The following CPSF2 variants were observed in gnomAD, a reference collection of about 807,000 sequenced individuals.
CPSF2 encodes the protein cleavage and polyadenylation specificity factor subunit 2.
CPSF2 carries 51 observed loss-of-function variants against 84.2 expected under a neutral mutation model. That is an observed-to-expected ratio of 0.61 (90% confidence interval 0.48 to 0.77). The LOEUF (loss-of-function observed/expected upper bound fraction) is 0.77. CPSF2 is among the 30% of genes least tolerant of loss of function. The probability of loss-of-function intolerance (pLI) is 0.00; values close to 1 mark genes in which losing one functional copy is unlikely to be tolerated. For missense variants in CPSF2, 641 were observed against 929.4 expected (o/e 0.69, Z 4.03); for synonymous variants, 286 against 311.9 (o/e 0.92, Z 0.87).
rs2069424407 is a variant in CPSF2, at chr14:92,164,974, C to G, written c.*3230C>G. 1 of 152,220 alleles carries G rather than the reference C, an allele frequency of 6.6e-6. No individual in the cohort carries two copies. The highest frequency in any genetic ancestry group is 1.5e-5 in the Non-Finnish European group (1 of 68,036). The allele number at this position is 152,220 out of a possible 1,614,324, so 9.4% of individuals were successfully genotyped here. ...CCCCTGGCAGCCATTAATCTACTTT[C>G]TGTCTCCTTGAATTTGGATTTTCTG... On this transcript the variant is annotated 3_prime_UTR_variant, in exon 16 of 16. Transcript: ENST00000298875.
At chr14:92,151,091 A>G (rs1392733411) in intron 9 of CPSF2, among the ~76,000 whole-genome samples, 1 of 152,184 alleles carries the variant, frequency 6.6e-6, no homozygotes, top group African/African-American at 2.4e-5. Context: ...TAAAAGATCC[A>G]TTCAAAATTT....
rs1286353543 is a variant in CPSF2 at position 92,168,986 on chromosome 14, A to C, written c.*7242A>C. 2 of 152,236 alleles carry C rather than the reference A, an allele frequency of 1.3e-5. No homozygotes were observed. Among genetic ancestry groups the C allele is most frequent in the Non-Finnish European group, 2.9e-5 (2 of 68,034 alleles). The allele number at this position is 152,236 out of a possible 1,614,324, so 9.4% of individuals were successfully genotyped here. A position where few individuals can be genotyped will look rare whatever the true frequency, so the allele number is the denominator to read the frequency against. On this transcript the variant is annotated 3_prime_UTR_variant, in exon 16 of 16. Coordinates refer to ENST00000298875, the MANE Select transcript of CPSF2 (RefSeq NM_017437.3). ...AATGATAATTTCAAGTGGAGAATATATAAAGGACTCGTGAGGCCTTCCTAC... is the reference window on the plus strand; with the variant it reads ...AATGATAATTTCAAGTGGAGAATATCTAAAGGACTCGTGAGGCCTTCCTAC...
At position 92,155,175 on chromosome 14, in the gene CPSF2, C is replaced by T; in HGVS notation, c.1294C>T (p.Pro432Ser). 1 of 1,613,934 alleles carries T rather than the reference C, an allele frequency of 6.2e-7. No homozygotes were observed. ...TGATATTGAGGAAGATATTGACCAGCCATCAGCTCATAAGACGAAGCATGA... is the reference window on the plus strand; with the variant it reads ...TGATATTGAGGAAGATATTGACCAGTCATCAGCTCATAAGACGAAGCATGA... The part of the protein sequence containing the change: ...ESDIEEDIDQ[P>S]SAHKTKHDLM... Residue 432 changes from proline (P) to serine (S), a missense_variant, in exon 11 of 16, where the codon CCA becomes TCA. Transcript: ENST00000298875.
chr14:92,137,357 G>A (rs1220924039), intron 6 of CPSF2, among the ~76,000 whole-genome samples: 1 of 151,984 alleles, frequency 6.6e-6, no homozygotes, highest in East Asian at 1.9e-4. Context: ...CTACAGGTGC[G>A]CTCTAACATG....
intron 2 of CPSF2, among the ~76,000 whole-genome samples, 192 bp downstream of exon 2, chr14:92,126,372 A>G (rs1002940749): frequency 6.6e-6 from 1 of 152,230 alleles, no homozygotes; most frequent in African/African-American, 2.4e-5. Flanking sequence ...GGAAGACTTA[A>G]GTAGAAAAGA....
chr14:92,136,586 CTCTT>C (rs2069002358), intron 6 of CPSF2, among the ~76,000 whole-genome samples: 1 of 152,216 alleles, frequency 6.6e-6, no homozygotes, highest in East Asian at 1.9e-4. Flanking sequence ...GTCCTCCCTG[CTCTT>C]TCTACCCAAT....
At position 92,169,558 on chromosome 14, in the gene CPSF2, C is replaced by T. The variant is rs1197282447; in HGVS notation, c.*7814C>T. The T allele has an allele frequency of 6.6e-6, 1 of 151,080 alleles. No homozygotes were observed. The highest frequency in any genetic ancestry group is 1.9e-4 in the East Asian group (1 of 5,156). The allele number at this position is 151,080 out of a possible 1,614,324, so 9.4% of individuals were successfully genotyped here. A position where few individuals can be genotyped will look rare whatever the true frequency, so the allele number is the denominator to read the frequency against. On this transcript the variant is annotated 3_prime_UTR_variant, in exon 16 of 16. Transcript: ENST00000298875. ...TAGTTGAAATTTCATATTTAAATATCAAAACATAAATGTCTAAAGAGATTG... is the reference window on the plus strand; with the variant it reads ...TAGTTGAAATTTCATATTTAAATATTAAAACATAAATGTCTAAAGAGATTG...
rs1431202601 is a variant in CPSF2 at position 92,163,446 on chromosome 14, CTTATTACTGTATAGATTAAGCCCTA to C, written c.*1704_*1728del. 6.6e-6 allele frequency: 1 copy of C among 152,596 alleles called. No individual in the cohort carries two copies. The highest frequency in any genetic ancestry group is 1.5e-5 in the Non-Finnish European group (1 of 68,024). 9.5% of individuals were successfully genotyped at this position (152,596 alleles called of 1,614,324 possible). A position where few individuals can be genotyped will look rare whatever the true frequency, so the allele number is the denominator to read the frequency against. On this transcript the variant is annotated 3_prime_UTR_variant, in exon 16 of 16. Transcript: ENST00000298875. The stretch of plus-strand genomic sequence containing the variant: ...GCTTTGGAAAAATTTCACTTAAACT[CTTATTACTGTATAGATTAAGCCCTA>C]TAATGCTATTTATATTCCAGGGGAA...
chr14:92,147,321 T>TA (rs1262016859), intron 9 of CPSF2, among the ~76,000 whole-genome samples: 1 of 152,210 alleles, frequency 6.6e-6, no homozygotes, highest in African/African-American at 2.4e-5. Context: ...AGTCAAGTCT[T>TA]ACTCATTTAG....
chr14:92,153,255 T>C (rs2069245128), intron 9 of CPSF2, among the ~76,000 whole-genome samples: 1 of 152,056 alleles, frequency 6.6e-6, no homozygotes, highest in Non-Finnish European at 1.5e-5. Flanking sequence ...CCAGTAGTTA[T>C]TTGTCTTTCT....
Position 92,142,229 on chromosome 14 carries a change from G to A in CPSF2, c.727G>A (p.Val243Ile). ...VLIAVDTAGR[V>I]LELAQLLDQI... ...AATAGCAGTGGACACAGCAGGCAGA[G>A]TTTTGGAACTTGCTCAACTTCTTGA... Residue 243 changes from valine to isoleucine, a missense_variant, in exon 8 of 16, where the codon GTT (valine) becomes ATT (isoleucine). By Grantham distance (29) the Val-to-Ile change is conservative. This residue lies in a region of CPSF2 where 211 missense variants were observed against 375.7 expected (regional missense o/e 0.56). Coordinates refer to ENST00000298875, the MANE Select transcript of CPSF2 (RefSeq NM_017437.3). 2.5e-6 allele frequency: 4 copies of A among 1,614,142 alleles called. No homozygotes were observed. Among genetic ancestry groups the A allele is most frequent in the Non-Finnish European group, 3.4e-6 (4 of 1,179,990 alleles).
At position 92,169,704 on chromosome 14, in the gene CPSF2, A is replaced by G. The variant is rs990873799; in HGVS notation, c.*7960A>G. The G allele has an allele frequency of 7.0e-6, 1 of 142,290 alleles. No individual in the cohort carries two copies. The highest frequency in any genetic ancestry group is 1.5e-5 in the Non-Finnish European group (1 of 66,662). The allele number at this position is 142,290 out of a possible 1,614,324, so 8.8% of individuals were successfully genotyped here. On this transcript the variant is annotated 3_prime_UTR_variant, in exon 16 of 16. Transcript: ENST00000298875. ...ACTTGCAGGGAGAGAATTATGTGGC[A>G]TGAGGAGGATTGAGAATGTTGTTCA...
chr14:92,126,536 C>T (rs1338531384), intron 2 of CPSF2, among the ~76,000 whole-genome samples: 2 of 152,170 alleles, frequency 1.3e-5, no homozygotes, highest in South Asian at 2.1e-4. Context: ...GAAGGCCAGG[C>T]GTGCTGTCTC....
chr14:92,156,329 T>C (rs2069289514), intron 11 of CPSF2, 150 bp from the exon 12 acceptor site: 2 of 613,382 alleles, frequency 3.3e-6, no homozygotes, highest in Admixed American at 2.8e-5. Context: ...CATCTGGTAA[T>C]TGATATGAAA....
At chr14:92,140,529 T>A (rs1309247462) in intron 7 of CPSF2, among the ~76,000 whole-genome samples, 1 of 147,422 alleles carries the variant, frequency 6.8e-6, no homozygotes, top group Non-Finnish European at 1.5e-5. Flanking sequence ...ACCTCCTGGG[T>A]TCAGGTGGTT....
intron 9 of CPSF2, among the ~76,000 whole-genome samples, chr14:92,152,287 G>A (rs1388467991): frequency 6.6e-6 from 1 of 151,436 alleles, no homozygotes; most frequent in Non-Finnish European, 1.5e-5. Flanking sequence ...GTGCCATCAC[G>A]CCCGGCTAAT....
At chr14:92,161,587 G>C in intron 15 of CPSF2, 65 bp from the exon 16 acceptor site, 1 of 1,130,624 alleles carries the variant, frequency 8.8e-7, no homozygotes, top group Non-Finnish European at 1.3e-6. Flanking sequence ...ATATATTTCG[G>C]TTATTATGTC....
rs1027267541 is a variant in CPSF2 at position 92,162,722 on chromosome 14, C to T, written c.*978C>T. ...GATAAGGTTATCCTTTCTGTATTTG[C>T]GTCTTTCTTGTGACTAACCACCCTG... On this transcript the variant is annotated 3_prime_UTR_variant, in exon 16 of 16. Transcript: ENST00000298875. 5 of 152,124 alleles carry T rather than the reference C, an allele frequency of 3.3e-5. No individual in the cohort carries two copies. Among genetic ancestry groups the T allele is most frequent in the African/African-American group, 1.2e-4 (5 of 41,398 alleles). 9.4% of individuals were successfully genotyped at this position (152,124 alleles called of 1,614,324 possible). A position where few individuals can be genotyped will look rare whatever the true frequency, so the allele number is the denominator to read the frequency against.
intron 14 of CPSF2, among the ~76,000 whole-genome samples, chr14:92,159,592 C>G (rs2069341741): frequency 6.6e-6 from 1 of 152,112 alleles, no homozygotes; most frequent in Admixed American, 6.6e-5. Flanking sequence ...AAGGCTGAGG[C>G]AGGAGGATTG....
Sources: allele counts gnomAD v4.1 joint callset (sites outside exome capture counted in the v4.1 genomes callset), GRCh38; gene constraint gnomAD v4.1.1; regional missense constraint gnomAD v4.1.1; transcripts MANE v1.5; gene names NCBI Gene and HGNC (gene_info 2026-07-23, HGNC 2026-07-21).